DIS3L: variants seen among roughly 807,000 people sequenced by gnomAD.
DIS3L encodes the protein DIS3-like exonuclease 1.
In DIS3L, 100 loss-of-function variants were observed where a neutral mutation model predicts 120.3. The observed-to-expected ratio is 0.83, with a 90% CI of 0.71 to 0.98. The LOEUF (loss-of-function observed/expected upper bound fraction) is 0.98. Ranked by LOEUF, DIS3L falls within the 50% of genes least tolerant of loss-of-function variation. The pLI is 0.00. For synonymous variants in DIS3L, 426 were observed against 470.6 expected (o/e 0.91, Z 1.23); for missense variants, 1,196 against 1,314.2 (o/e 0.91, Z 1.39).
intron 6 of DIS3L, among the ~76,000 whole-genome samples, chr15:66,314,743 A>G (rs1044845089): frequency 6.6e-6 from 1 of 152,214 alleles, no homozygotes; most frequent in African/African-American, 2.4e-5. Context: ...ATAGGCTCAC[A>G]TAGTTGCATG....
intron 2 of DIS3L, among the ~76,000 whole-genome samples, chr15:66,299,070 A>G (rs2092619833): frequency 6.6e-6 from 1 of 152,212 alleles, no homozygotes; most frequent in South Asian, 2.1e-4. Flanking sequence ...AAGGGTTGGC[A>G]TAAACCAGGC....
upstream of DIS3L, chr15:66,293,374 C>A: frequency 2.4e-6 from 2 of 822,760 alleles, no homozygotes; most frequent in Non-Finnish European, 3.1e-6. Context: ...TGGGGTAGGT[C>A]GTTTCCACCC....
chr15:66,309,094 A>AAAAAAAT, intron 4 of DIS3L, among the ~76,000 whole-genome samples: 3 of 15,320 alleles, frequency 2.0e-4, no homozygotes, highest in African/African-American at 5.9e-4. Flanking sequence ...AAAAAAAAAA[A>AAAAAAAT]ATATATATAT....
intron 11 of DIS3L, 63 bp from the exon 12 acceptor site, chr15:66,325,761 AAAAAAAC>A (rs1390322628): frequency 9.9e-6 from 15 of 1,518,530 alleles, no homozygotes; most frequent in South Asian, 8.0e-5. Flanking sequence ...ATCCTGTCTC[AAAAAAAC>A]AAAAAACAAA....
chr15:66,317,130 C>T (rs2092825371), intron 7 of DIS3L, among the ~76,000 whole-genome samples: 1 of 152,098 alleles, frequency 6.6e-6, no homozygotes, highest in African/African-American at 2.4e-5. Flanking sequence ...GACCCTCTGT[C>T]ACTCTTGATC....
chr15:66,298,967 C>G (rs1194134022), intron 2 of DIS3L, among the ~76,000 whole-genome samples: 1 of 152,206 alleles, frequency 6.6e-6, no homozygotes, highest in Non-Finnish European at 1.5e-5. Flanking sequence ...GTGACAAATG[C>G]ACTGAAGCAC....
At chr15:66,322,613 T>A (rs1595752164) in intron 9 of DIS3L, 74 bp from the exon 10 acceptor site, 1 of 1,572,576 alleles carries the variant, frequency 6.4e-7, no homozygotes, top group East Asian at 2.2e-5. Context: ...GTGGTCATAC[T>A]GAGAATATTA....
intron 11 of DIS3L, among the ~76,000 whole-genome samples, chr15:66,325,469 A>G (rs897836275): frequency 1.3e-5 from 2 of 152,222 alleles, no homozygotes; most frequent in African/African-American, 4.8e-5. Context: ...TCAGAGCTCA[A>G]CAGTCCCCAG....
chr15:66,326,197 C>A lies in DIS3L; in HGVS notation c.2034C>A (p.His678Gln). 1 of 1,614,208 alleles carries A rather than the reference C, an allele frequency of 6.2e-7. No homozygotes were observed. The highest frequency in any genetic ancestry group is 8.5e-7 in the Non-Finnish European group (1 of 1,180,044). Residue 678 changes from histidine to glutamine, a missense_variant, in exon 12 of 17, where the codon CAC becomes CAA. By Grantham distance (24) the His-to-Gln change is conservative. Transcript: ENST00000319212. ...DLIPKQPLEV[H>Q]ETVAECMILA... ...TCCCCAAGCAGCCCCTGGAAGTCCA[C>A]GAGACAGTGGCTGAATGCATGATCC...
At chr15:66,314,753 G>A (rs1421273407) in intron 6 of DIS3L, among the ~76,000 whole-genome samples, 2 of 152,174 alleles carry the variant, frequency 1.3e-5, no homozygotes, top group Non-Finnish European at 2.9e-5. Context: ...ATAGTTGCAT[G>A]CAGGGAACTA....
At chr15:66,324,160 T>TTA (rs574081025) in intron 11 of DIS3L, among the ~76,000 whole-genome samples, 1 of 152,082 alleles carries the variant, frequency 6.6e-6, no homozygotes, top group African/African-American at 2.4e-5. Flanking sequence ...TGGTTGCATT[T>TTA]TATATATATA....
chr15:66,314,320 A>G (rs2092795381), intron 6 of DIS3L, among the ~76,000 whole-genome samples: 1 of 152,180 alleles, frequency 6.6e-6, no homozygotes, highest in African/African-American at 2.4e-5. Context: ...AATTTAAACT[A>G]CAACACAGAG....
chr15:66,299,776 C>T (rs1877676), intron 2 of DIS3L, among the ~76,000 whole-genome samples: 29,860 of 152,080 alleles, frequency 0.2, 3,251 homozygotes, highest in Non-Finnish European at 0.24. Flanking sequence ...TCATACACAG[C>T]CGGGCGCGGT....
chr15:66,297,364 C>T (rs2092598808), intron 2 of DIS3L, among the ~76,000 whole-genome samples: 2 of 152,136 alleles, frequency 1.3e-5, no homozygotes, highest in African/African-American at 4.8e-5. Flanking sequence ...GAGGCCAAGA[C>T]AGGAGGATAA....
intron 9 of DIS3L, among the ~76,000 whole-genome samples, chr15:66,322,283 A>G (rs931139476): frequency 6.6e-6 from 1 of 152,132 alleles, no homozygotes; most frequent in Admixed American, 6.6e-5. Context: ...TAATATTTGG[A>G]ACATGTTGAT....
upstream of DIS3L, chr15:66,293,366 G>A: frequency 1.4e-6 from 1 of 698,934 alleles, no homozygotes; most frequent in East Asian, 5.1e-5. Context: ...TCCGTCTCTG[G>A]GGTAGGTCGT....
intron 1 of DIS3L, chr15:66,294,049 C>G (rs2092555874): frequency 5.1e-6 from 5 of 986,942 alleles, no homozygotes; most frequent in South Asian, 4.7e-5. Flanking sequence ...GCGCGGAAGC[C>G]GAGGCCTCCT....
chr15:66,329,959 C>G, intron 14 of DIS3L: 6 of 984,634 alleles, frequency 6.1e-6, no homozygotes, highest in Non-Finnish European at 7.2e-6. Context: ...TGTTATCTTA[C>G]CACCCAGAGC....
At chr15:66,317,881 T>G (rs1430556169) in intron 7 of DIS3L, among the ~76,000 whole-genome samples, 1 of 152,002 alleles carries the variant, frequency 6.6e-6, no homozygotes, top group African/African-American at 2.4e-5. Context: ...ACAAAAAGTG[T>G]TTTTAAATTA....
Sources: gnomAD v4.1 joint callset for allele counts (sites outside exome capture counted in the v4.1 genomes callset) on GRCh38, gnomAD v4.1.1 for gene constraint, MANE v1.5 for transcripts, NCBI Gene and HGNC (gene_info 2026-07-23, HGNC 2026-07-21) for gene names.